Variants in CTSH observed in about 807,000 individuals in gnomAD.
The protein encoded by CTSH is cathepsin H.
Under a neutral mutation model 56.3 loss-of-function variants are expected in CTSH, and 52 were observed. That is an observed-to-expected ratio of 0.92 (90% CI 0.74 to 1.16). The LOEUF is 1.16. Among genes scored for constraint, CTSH ranks in the 50% most tolerant of loss-of-function variants. The probability of loss-of-function intolerance (pLI) is 0.00; values close to 1 mark genes in which losing one functional copy is unlikely to be tolerated. For synonymous variants in CTSH, 174 were observed against 155.7 expected (o/e 1.12, Z -0.88); for missense variants, 406 against 424.5 (o/e 0.96, Z 0.38).
At position 78,921,105 on chromosome 15, in the gene CTSH, C is replaced by T. The variant is rs1240932335; in HGVS notation, c.*1025G>A. The T allele has an allele frequency of 6.6e-6, 1 of 152,134 alleles. No homozygotes were observed. Among genetic ancestry groups the T allele is most frequent in the East Asian group, 1.9e-4 (1 of 5,200 alleles). The allele number at this position is 152,134 out of a possible 1,614,324, so 9.4% of individuals were successfully genotyped here. The stretch of plus-strand genomic sequence containing the variant: ...TTTGCATTATCTAAATAAGCCTTAT[C>T]ATGAACATATATATTTTTCAAATAT... On this transcript the variant is annotated 3_prime_UTR_variant, in exon 12 of 12. Coordinates refer to ENST00000220166, the MANE Select transcript of CTSH (RefSeq NM_004390.5).
intron 5 of CTSH, among the ~76,000 whole-genome samples, chr15:78,933,926 C>T (rs922931599): frequency 5.6e-4 from 85 of 152,338 alleles, no homozygotes; most frequent in Non-Finnish European, 2.4e-4. Flanking sequence ...CCGGCTGCGT[C>T]CTGCCTGATG....
At chr15:78,944,744 C>A in intron 1 of CTSH, 147 bp downstream of exon 1, 1 of 1,341,678 alleles carries the variant, frequency 7.5e-7, no homozygotes, top group South Asian at 1.8e-5. Flanking sequence ...TTTACCCCTC[C>A]CCGTGCCAGC....
rs1011205483 is a variant in CTSH at position 78,935,834 on chromosome 15, G to A, written c.230-84C>T. 1.2e-5 allele frequency: 11 copies of A among 951,924 alleles called. No individual in the cohort carries two copies. The Admixed American group carries it at 1.2e-4, about 10-fold the overall frequency. 59.0% of individuals were successfully genotyped at this position (951,924 alleles called of 1,614,324 possible). A position where few individuals can be genotyped will look rare whatever the true frequency, so the allele number is the denominator to read the frequency against. On this transcript the variant is annotated intron_variant, in intron 3 of 11. Transcript: ENST00000220166. ...ACAAGAAAAAGTGATGAAACCTCCT[G>A]TTTACCTGTGTCGTATTTAGAACCA... is the stretch of plus-strand genomic sequence containing the variant.
intron 10 of CTSH, 32 bp downstream of exon 10, chr15:78,925,302 T>A: frequency 7.0e-7 from 1 of 1,434,134 alleles, no homozygotes; most frequent in South Asian, 1.1e-5. Flanking sequence ...CCCTCCCCAC[T>A]GTCCCTCCTG....
chr15:78,932,386 T>C lies in CTSH; in HGVS notation c.478A>G (p.Lys160Glu). Residue 160 changes from lysine to glutamate, a missense_variant, in exon 6 of 12, where the codon AAG (lysine) becomes GAG (glutamate). Physicochemically the swap from Lys to Glu is moderately conservative, Grantham distance 56. Coordinates refer to ENST00000220166, the MANE Select transcript of CTSH (RefSeq NM_004390.5). ...TGATTTCTTACCAAGGACAGCATCT[T>C]TCCGGTTGCGATGGCGATCGCAGAC... ...LESAIAIATG[K>E]MLSLAEQQLV... is the part of the protein sequence containing the mutation. 1.2e-6 allele frequency: 2 copies of C among 1,614,100 alleles called. No individual in the cohort carries two copies. Among genetic ancestry groups the C allele is most frequent in the Non-Finnish European group, 1.7e-6 (2 of 1,179,956 alleles).
intron 3 of CTSH, among the ~76,000 whole-genome samples, chr15:78,936,734 A>G (rs1297201152): frequency 5.3e-5 from 8 of 151,354 alleles, no homozygotes; most frequent in African/African-American, 1.7e-4. Flanking sequence ...GGATCAAGTG[A>G]TTCTCCTGCC....
Position 78,922,169 on chromosome 15 carries a change from G to C in CTSH, c.969C>G (p.Gly323=). Reference sequence around the variant, plus strand: ...TGGGGTAGGAGGCGCAGGCAGCCAGGCCACACATGTTCTTTCCGCGCTCGA... The same window carrying C: ...TGGGGTAGGAGGCGCAGGCAGCCAGCCCACACATGTTCTTTCCGCGCTCGA... ...FLIERGKNMC[G]LAACASYPIP... The change falls in exon 12 of 12, where the codon GGC becomes GGG. Residue 323 remains glycine (G), a synonymous_variant. Coordinates refer to ENST00000220166, the MANE Select transcript of CTSH (RefSeq NM_004390.5). The C allele has an allele frequency of 6.3e-7, 1 of 1,583,288 alleles. No homozygotes were observed. Among genetic ancestry groups the C allele is most frequent in the South Asian group, 1.2e-5 (1 of 86,496 alleles).
chr15:78,932,467 G>T lies in CTSH; in HGVS notation c.406-9C>A, dbSNP rs1487449426. 13 of 1,609,252 alleles carry T rather than the reference G, an allele frequency of 8.1e-6. No individual in the cohort carries two copies. In the Admixed American group the frequency reaches 1.2e-4, roughly 14 times the overall value. ...CAACTGCCGCAGGCACCCTGGAAAG[G>T]CCAGGGGAGAGCAGAGGACATCAGT... On this transcript the variant is annotated splice_polypyrimidine_tract_variant and intron_variant, in intron 5 of 11. Transcript: ENST00000220166.
intron 7 of CTSH, 78 bp from the exon 8 acceptor site, chr15:78,929,571 G>T: frequency 2.1e-6 from 2 of 963,910 alleles, no homozygotes; most frequent in Non-Finnish European, 3.1e-6. Context: ...GGCGTGGCGA[G>T]ATATCTGGCC....
intron 10 of CTSH, among the ~76,000 whole-genome samples, chr15:78,923,534 C>T (rs1385783030): frequency 6.6e-6 from 1 of 152,162 alleles, no homozygotes; most frequent in Non-Finnish European, 1.5e-5. Context: ...GGTGATCCAC[C>T]CACCTCGGCC....
chr15:78,925,001 A>G (rs1052405063), intron 10 of CTSH, among the ~76,000 whole-genome samples: 17 of 149,008 alleles, frequency 1.1e-4, no homozygotes, highest in East Asian at 2.2e-4. Flanking sequence ...TGGCCTGAAC[A>G]TGGGTTTTTT....
At chr15:78,942,938 A>G (rs910633065) in intron 1 of CTSH, among the ~76,000 whole-genome samples, 7 of 152,184 alleles carry the variant, frequency 4.6e-5, no homozygotes, top group African/African-American at 1.7e-4. Flanking sequence ...TCCCTGGGGA[A>G]AATGCACATT....
intron 9 of CTSH, chr15:78,927,491 C>CTCGG: frequency 1.7e-6 from 1 of 580,218 alleles, no homozygotes; most frequent in South Asian, 2.1e-5. Flanking sequence ...ATGTGTGGAT[C>CTCGG]TGGAGTTCAG....
intron 7 of CTSH, among the ~76,000 whole-genome samples, chr15:78,930,782 G>A (rs146328873): frequency 6.6e-6 from 1 of 152,262 alleles, no homozygotes; most frequent in African/African-American, 2.4e-5. Flanking sequence ...CAGAGGGGCT[G>A]GGGTCTGGGA....
rs1567359803 is a variant in CTSH at position 78,930,573 on chromosome 15, A to AAAT, written c.548+875_548+877dup. On this transcript the variant is annotated intron_variant, in intron 7 of 11. Transcript: ENST00000220166. ...ATAAATAAATAAATAAATAAATAAA[A>AAAT]AATAAAAACGGTGGGACCCCAGAGT... Among the ~76,000 whole-genome samples the AAAT allele has an allele frequency of 1.1e-3, 167 of 149,412 alleles. 2 individuals are homozygous for AAAT. In the East Asian group the frequency reaches 0.019, roughly 17 times the overall value.
At chr15:78,930,569 TAAA>T (rs879826755) in intron 7 of CTSH, among the ~76,000 whole-genome samples, 10 of 135,344 alleles carry the variant, frequency 7.4e-5, no homozygotes, top group African/African-American at 2.9e-4. Flanking sequence ...AATAAATAAA[TAAA>T]AAATAAAAAC....
At chr15:78,935,850 T>C (rs2055163700) in intron 3 of CTSH, 100 bp from the exon 4 acceptor site, 1 of 808,420 alleles carries the variant, frequency 1.2e-6, no homozygotes, top group Admixed American at 2.3e-5. Flanking sequence ...CTGTGTCGTA[T>C]TTAGAACCAC....
At chr15:78,926,963 TTG>T (rs1418636868) in intron 9 of CTSH, 1 of 152,246 alleles carries the variant, frequency 6.6e-6, no homozygotes, top group Non-Finnish European at 1.5e-5. Flanking sequence ...GACATCACGT[TTG>T]TGAACTGTAC....
chr15:78,923,608 T>C (rs1017414647), intron 10 of CTSH, among the ~76,000 whole-genome samples: 2 of 152,162 alleles, frequency 1.3e-5, no homozygotes, highest in Admixed American at 6.5e-5. Flanking sequence ...CTTTTGGTTC[T>C]TCTGCTTCTG....
Sources: gnomAD v4.1 joint callset for allele counts (sites outside exome capture counted in the v4.1 genomes callset) on GRCh38, gnomAD v4.1.1 for gene constraint, MANE v1.5 for transcripts, NCBI Gene and HGNC (gene_info 2026-07-23, HGNC 2026-07-21) for gene names.